LRBA: variants seen among roughly 807,000 people sequenced by gnomAD.
LRBA encodes the protein LPS responsive beige-like anchor protein.
LRBA carries 176 observed loss-of-function variants against 330.0 expected under a neutral mutation model. The ratio of observed to expected loss-of-function variants is 0.53; its 90% CI spans 0.47 to 0.60. The LOEUF (loss-of-function observed/expected upper bound fraction) is 0.60, where lower values mean the gene tolerates loss of function less well. LRBA is among the 20% of genes least tolerant of loss of function. The pLI is 0.00. For missense variants in LRBA, 3,259 were observed against 3,444.8 expected (o/e 0.95, Z 1.35); for synonymous variants, 1,230 against 1,193.0 (o/e 1.03, Z -0.64).
chr4:150,902,796 A>G (rs1224456918), intron 13 of LRBA, among the ~76,000 whole-genome samples: 1 of 152,168 alleles, frequency 6.6e-6, no homozygotes, highest in Non-Finnish European at 1.5e-5. Context: ...CACGGATAAC[A>G]CCAGATTGAT....
chr4:150,575,001 C>A (rs936361234), intron 40 of LRBA, among the ~76,000 whole-genome samples: 6 of 151,838 alleles, frequency 4.0e-5, no homozygotes, highest in African/African-American at 1.4e-4. Context: ...GTACTAACCT[C>A]GATTTTAAAC....
chr4:150,404,657 G>A (rs1206068657), intron 47 of LRBA, among the ~76,000 whole-genome samples: 2 of 152,112 alleles, frequency 1.3e-5, no homozygotes, highest in Non-Finnish European at 2.9e-5. Flanking sequence ...ATAGGGAAGA[G>A]TAACTACTAT....
chr4:150,396,212 A>G (rs1345709736), intron 47 of LRBA, among the ~76,000 whole-genome samples: 1 of 152,200 alleles, frequency 6.6e-6, no homozygotes, highest in African/African-American at 2.4e-5. Flanking sequence ...CCTTGAGTTG[A>G]GACACCCATC....
chr4:150,733,148 T>A (rs1222950567), intron 36 of LRBA, among the ~76,000 whole-genome samples: 1 of 152,076 alleles, frequency 6.6e-6, no homozygotes, highest in African/African-American at 2.4e-5. Flanking sequence ...GTTTACATAC[T>A]GACTTGAGAA....
chr4:150,966,247 T>C (rs1342130593), intron 2 of LRBA, among the ~76,000 whole-genome samples: 2 of 152,054 alleles, frequency 1.3e-5, no homozygotes, highest in Admixed American at 6.5e-5. Context: ...ACCCAAGTGG[T>C]ATATTTGTAG....
At chr4:150,674,131 T>G (rs969694749) in intron 37 of LRBA, among the ~76,000 whole-genome samples, 1 of 151,942 alleles carries the variant, frequency 6.6e-6, no homozygotes, top group Non-Finnish European at 1.5e-5. Context: ...ATATTGGGGT[T>G]CTAACTAAGA....
intron 50 of LRBA, among the ~76,000 whole-genome samples, chr4:150,319,864 G>A (rs961434947): frequency 5.3e-5 from 8 of 152,094 alleles, no homozygotes; most frequent in Non-Finnish European, 5.9e-5. Context: ...ATTTAATTTG[G>A]CATGAGGTCC....
chr4:150,922,394 G>GTACATA (rs1554000211), intron 4 of LRBA, among the ~76,000 whole-genome samples: 2 of 139,708 alleles, frequency 1.4e-5, no homozygotes, highest in East Asian at 2.1e-4. Flanking sequence ...AGAAACTGTG[G>GTACATA]TATATATATA....
At chr4:151,005,341 G>A (rs183015476) in intron 2 of LRBA, among the ~76,000 whole-genome samples, 1 of 140,374 alleles carries the variant, frequency 7.1e-6, no homozygotes, top group African/African-American at 2.6e-5. Flanking sequence ...GTGAGGCTGA[G>A]ACAGGAGAAT....
rs368528064 is a variant in LRBA at position 150,640,513 on chromosome 4, CT to C, written c.5922-41383del. Reference sequence around the variant, plus strand: ...TTAATATTATTTATCTAGAAAAGGTCTATTTACTATTCAAAAATAAAACTCA... The same window carrying C: ...TTAATATTATTTATCTAGAAAAGGTCATTTACTATTCAAAAATAAAACTCA... On this transcript the variant is annotated intron_variant, in intron 37 of 56. Coordinates refer to ENST00000651943, the MANE Select transcript of LRBA (RefSeq NM_001364905.1). Among the ~76,000 whole-genome samples the C allele has an allele frequency of 2.4e-4, 36 of 152,198 alleles. No homozygotes were observed. The East Asian group carries it at 6.6e-3, about 28-fold the overall frequency.
At chr4:150,689,188 T>C (rs150387574) in intron 36 of LRBA, among the ~76,000 whole-genome samples, 28 of 152,208 alleles carry the variant, frequency 1.8e-4, no homozygotes, top group African/African-American at 6.7e-4. Context: ...AAACCATCAT[T>C]CTCAGCAAAC....
Position 150,754,884 on chromosome 4 carries a change from ATC to A in LRBA, c.5645+6897_5645+6898del, listed in dbSNP as rs149711364. ...AACACTCAAGGATTTCCAAGTGATAATCTCTACCTCAATTCAAATTTTATCTT... is the reference window on the plus strand; with the variant it reads ...AACACTCAAGGATTTCCAAGTGATAATCTACCTCAATTCAAATTTTATCTT... On this transcript the variant is annotated intron_variant, in intron 35 of 56. Transcript: ENST00000651943. Among the ~76,000 whole-genome samples the A allele has an allele frequency of 1.1e-4, 17 of 152,280 alleles. No homozygotes were observed. In the East Asian group the frequency reaches 3.3e-3, roughly 29 times the overall value.
At chr4:150,758,135 T>C (rs1734563889) in intron 35 of LRBA, among the ~76,000 whole-genome samples, 2 of 152,190 alleles carry the variant, frequency 1.3e-5, no homozygotes, top group African/African-American at 4.8e-5. Context: ...TAGACACCTG[T>C]ATATGCAGTA....
At chr4:150,359,378 G>A (rs1738340860) in intron 47 of LRBA, among the ~76,000 whole-genome samples, 1 of 152,300 alleles carries the variant, frequency 6.6e-6, no homozygotes, top group South Asian at 2.1e-4. Flanking sequence ...TAAGTGAGAG[G>A]TAGTGAGAGC....
At chr4:150,722,994 G>C (rs1013897002) in intron 36 of LRBA, among the ~76,000 whole-genome samples, 10 of 152,046 alleles carry the variant, frequency 6.6e-5, no homozygotes, top group African/African-American at 2.4e-4. Context: ...TTCCATAGAG[G>C]GAGCATGAGG....
At chr4:150,622,822 T>C (rs183539037) in intron 37 of LRBA, among the ~76,000 whole-genome samples, 2 of 151,104 alleles carry the variant, frequency 1.3e-5, no homozygotes, top group Non-Finnish European at 2.9e-5. Flanking sequence ...CTCAGCCTCC[T>C]GAGTAGCTGG....
chr4:150,273,139 A>G (rs1290250658), intron 56 of LRBA, among the ~76,000 whole-genome samples: 7 of 152,234 alleles, frequency 4.6e-5, no homozygotes, highest in Non-Finnish European at 1.0e-4. Flanking sequence ...AAGCCAGAAG[A>G]GAGTGGGGGC....
Position 150,867,717 on chromosome 4 carries a change from C to A in LRBA, c.2720G>T (p.Gly907Val). Residue 907 changes from glycine to valine, a missense_variant, in exon 22 of 57, where the codon GGT becomes GTT. By Grantham distance (109) the Gly-to-Val change is moderately radical. Transcript: ENST00000651943. ...AGTGTCTACCCATACACGCCAGCCA[C>A]CCCACTCATATTTGACTGCATGGTA... is the stretch of plus-strand genomic sequence containing the variant. ...LLYHAVKYEW[G>V]GWRVWVDTLS... 1 of 1,613,630 alleles carries A rather than the reference C, an allele frequency of 6.2e-7. No homozygotes were observed. Among genetic ancestry groups the A allele is most frequent in the Non-Finnish European group, 8.5e-7 (1 of 1,179,790 alleles).
chr4:150,474,414 G>A (rs187240803), intron 42 of LRBA, among the ~76,000 whole-genome samples: 2 of 152,216 alleles, frequency 1.3e-5, no homozygotes, highest in African/African-American at 2.4e-5. Context: ...TTTGATAACT[G>A]TGGCTCTACA....
Sources: gnomAD v4.1 joint callset for allele counts (sites outside exome capture counted in the v4.1 genomes callset) on GRCh38, gnomAD v4.1.1 for gene constraint, MANE v1.5 for transcripts, NCBI Gene and HGNC (gene_info 2026-07-23, HGNC 2026-07-21) for gene names.